The following TSPAN18 variants were observed in gnomAD, a reference collection of about 807,000 sequenced individuals.
TSPAN18 encodes the protein tetraspanin 18.
In TSPAN18, 14 loss-of-function variants were observed where a neutral mutation model predicts 27.3. The ratio of observed to expected loss-of-function variants is 0.51; its 90% CI spans 0.34 to 0.80. The LOEUF (loss-of-function observed/expected upper bound fraction) is 0.80. TSPAN18 is among the 30% of genes least tolerant of loss of function. The pLI, the probability that TSPAN18 is intolerant of heterozygous loss-of-function variation, is 0.01. For missense variants in TSPAN18, 268 were observed against 323.9 expected (o/e 0.83, Z 1.32); for synonymous variants, 143 against 136.5 (o/e 1.05, Z -0.33).
At chr11:44,750,274 CA>C (rs1565132954) in intron 1 of TSPAN18, among the ~76,000 whole-genome samples, 1 of 152,190 alleles carries the variant, frequency 6.6e-6, no homozygotes, top group African/African-American at 2.4e-5. Flanking sequence ...TCAATATTGA[CA>C]CTTACTTAGC....
At chr11:44,754,608 G>T (rs920744328) in intron 1 of TSPAN18, among the ~76,000 whole-genome samples, 1 of 152,216 alleles carries the variant, frequency 6.6e-6, no homozygotes, top group African/African-American at 2.4e-5. Context: ...TAAGATCTCA[G>T]ATGTATCCTT....
intron 2 of TSPAN18, among the ~76,000 whole-genome samples, chr11:44,817,830 G>A (rs10838360): frequency 0.3 from 46,409 of 152,194 alleles, 8,547 homozygotes; most frequent in Non-Finnish European, 0.4. Flanking sequence ...TTCACAGACA[G>A]GAAATGAGGC....
At chr11:44,778,679 CTT>C (rs1247642278) in intron 2 of TSPAN18, among the ~76,000 whole-genome samples, 1 of 152,176 alleles carries the variant, frequency 6.6e-6, no homozygotes, top group Non-Finnish European at 1.5e-5. Flanking sequence ...TTTATTTAGT[CTT>C]TCCATTAAGC....
chr11:44,772,167 T>G (rs576494849), intron 2 of TSPAN18, among the ~76,000 whole-genome samples: 2 of 152,210 alleles, frequency 1.3e-5, no homozygotes, highest in African/African-American at 4.8e-5. Context: ...TCAATCTACC[T>G]GTTTAAATGT....
At chr11:44,921,825 C>A (rs1860148354) in intron 8 of TSPAN18, among the ~76,000 whole-genome samples, 1 of 152,210 alleles carries the variant, frequency 6.6e-6, no homozygotes, top group African/African-American at 2.4e-5. Flanking sequence ...GGGCCGCATT[C>A]CCCGCATCAG....
intron 3 of TSPAN18, among the ~76,000 whole-genome samples, chr11:44,877,261 C>T (rs1025556878): frequency 1.6e-4 from 25 of 152,242 alleles, no homozygotes; most frequent in African/African-American, 6.0e-4. Flanking sequence ...TGTGAAGTCA[C>T]TACTGTGATC....
chr11:44,730,078 C>T (rs1451980110), intron 1 of TSPAN18, among the ~76,000 whole-genome samples: 2 of 152,166 alleles, frequency 1.3e-5, no homozygotes, highest in Non-Finnish European at 2.9e-5. Flanking sequence ...TTCTGCCTTC[C>T]ATTCAGTGGA....
chr11:44,882,408 G>A (rs1318285501), intron 3 of TSPAN18, among the ~76,000 whole-genome samples: 1 of 152,108 alleles, frequency 6.6e-6, no homozygotes, highest in Non-Finnish European at 1.5e-5. Flanking sequence ...TTGTACAGTG[G>A]TTCACACATG....
intron 1 of TSPAN18, among the ~76,000 whole-genome samples, chr11:44,756,034 T>G (rs1245634195): frequency 6.6e-6 from 1 of 152,018 alleles, no homozygotes; most frequent in African/African-American, 2.4e-5. Context: ...CAACAGAAGC[T>G]AACCAGGGAA....
intron 2 of TSPAN18, among the ~76,000 whole-genome samples, chr11:44,854,701 G>A (rs1282839266): frequency 6.6e-6 from 1 of 152,162 alleles, no homozygotes; most frequent in African/African-American, 2.4e-5. Context: ...ACCAAAGCAG[G>A]ATGCTGACCT....
chr11:44,925,802 A>T (rs1186516408), intron 8 of TSPAN18: 2 of 152,008 alleles, frequency 1.3e-5, no homozygotes, highest in African/African-American at 2.4e-5. Context: ...CATTCAAAGC[A>T]AGTACCATGC....
At chr11:44,809,880 T>A (rs908265824) in intron 2 of TSPAN18, among the ~76,000 whole-genome samples, 1 of 152,218 alleles carries the variant, frequency 6.6e-6, no homozygotes, top group Non-Finnish European at 1.5e-5. Context: ...TTAATGCATC[T>A]TATATTGTCA....
At position 44,822,945 on chromosome 11, in the gene TSPAN18, C is replaced by A. The variant is rs184886895; in HGVS notation, c.-152-37383C>A. Among the ~76,000 whole-genome samples, 49 of 152,316 alleles carry A rather than the reference C, an allele frequency of 3.2e-4. 1 individual carries two copies. In the East Asian group the frequency reaches 8.9e-3, roughly 28 times the overall value. On this transcript the variant is annotated intron_variant, in intron 2 of 9. Coordinates refer to ENST00000520358, the MANE Select transcript of TSPAN18 (RefSeq NM_130783.5). Reference sequence around the variant, plus strand: ...CTCCCACCAGCTGTGTAACATTGGGCAGGTTTCTTAGACTTTCTGAGTCCT... The same window carrying A: ...CTCCCACCAGCTGTGTAACATTGGGAAGGTTTCTTAGACTTTCTGAGTCCT...
chr11:44,905,572 C>T (rs1859424826), intron 3 of TSPAN18, among the ~76,000 whole-genome samples: 1 of 152,222 alleles, frequency 6.6e-6, no homozygotes, highest in Non-Finnish European at 1.5e-5. Flanking sequence ...GTCTTGTGCA[C>T]CTTGAGGTCT....
At chr11:44,851,138 T>C (rs1857590361) in intron 2 of TSPAN18, among the ~76,000 whole-genome samples, 1 of 152,224 alleles carries the variant, frequency 6.6e-6, no homozygotes, top group Admixed American at 6.5e-5. Context: ...TGTGTGGGGA[T>C]GTGAGTGCGT....
At position 44,889,879 on chromosome 11, in the gene TSPAN18, G is replaced by C. The variant is rs973709446; in HGVS notation, c.-10-16528G>C. ...TGAGCCTGCAGAATCCAAATCTTAG[G>C]GCTAGGTCCCAGAGGTCTGAGGGTT... is the stretch of plus-strand genomic sequence containing the variant. On this transcript the variant is annotated intron_variant, in intron 3 of 9. Transcript: ENST00000520358. Among the ~76,000 whole-genome samples, 3 of 152,200 alleles carry C rather than the reference G, an allele frequency of 2.0e-5. No homozygotes were observed. The East Asian group carries it at 5.8e-4, about 29-fold the overall frequency.
At chr11:44,902,336 C>A (rs1316460748) in intron 3 of TSPAN18, among the ~76,000 whole-genome samples, 1 of 152,226 alleles carries the variant, frequency 6.6e-6, no homozygotes, top group African/African-American at 2.4e-5. Flanking sequence ...CCAGTTGTGT[C>A]TGACTTCAGA....
In TSPAN18 at chr11:44,780,112, C is replaced by T. The variant is rs183156620; in HGVS notation, c.-153+15600C>T. ...CTCCTTCACCACCCCCGAGCTCCTA[C>T]GCACCCACCCACACATCCTTCCCTA... On this transcript the variant is annotated intron_variant, in intron 2 of 9. Transcript: ENST00000520358. Among the ~76,000 whole-genome samples, 9 of 152,096 alleles carry T rather than the reference C, an allele frequency of 5.9e-5. 1 individual carries two copies. In the South Asian group the frequency reaches 8.3e-4, roughly 14 times the overall value.
At chr11:44,747,424 G>A (rs1855105908) in intron 1 of TSPAN18, among the ~76,000 whole-genome samples, 1 of 152,188 alleles carries the variant, frequency 6.6e-6, no homozygotes, top group Non-Finnish European at 1.5e-5. Context: ...TGGAAAATGG[G>A]CGTGAATCAT....
Sources: allele counts gnomAD v4.1 joint callset (sites outside exome capture counted in the v4.1 genomes callset), GRCh38; gene constraint gnomAD v4.1.1; transcripts MANE v1.5; gene names NCBI Gene and HGNC (gene_info 2026-07-23, HGNC 2026-07-21).